The following ROBO2 variants were observed in gnomAD, a reference collection of about 807,000 sequenced individuals.
The protein encoded by ROBO2 is roundabout guidance receptor 2.
ROBO2 carries 53 observed loss-of-function variants against 160.8 expected under a neutral mutation model. The observed-to-expected ratio is 0.33, with a 90% CI of 0.26 to 0.41. The LOEUF (loss-of-function observed/expected upper bound fraction) is 0.41, where lower values mean the gene tolerates loss of function less well. Ranked by LOEUF, ROBO2 falls within the 10% of genes least tolerant of loss-of-function variation. The pLI, the probability that ROBO2 is intolerant of heterozygous loss-of-function variation, is 1.00. For missense variants in ROBO2, 1,577 were observed against 1,722.4 expected, an observed-to-expected ratio of 0.92 and a Z score of 1.49; for synonymous variants, 664 against 611.7, an observed-to-expected ratio of 1.09 and a Z score of -1.26.
At chr3:76,009,248 G>C (rs2066124693) in intron 2 of ROBO2, among the ~76,000 whole-genome samples, 2 of 152,050 alleles carry the variant, frequency 1.3e-5, no homozygotes, top group African/African-American at 4.8e-5. Flanking sequence ...GACTACAGGC[G>C]CCCGCTACCA....
intron 2 of ROBO2, among the ~76,000 whole-genome samples, chr3:76,183,310 C>A (rs6787182): frequency 0.98 from 149,317 of 152,212 alleles, 73,299 homozygotes; most frequent in East Asian, 1. Flanking sequence ...AAATCTTAGA[C>A]TATCACTTCT....
At chr3:77,306,871 C>T (rs1456873231) in intron 2 of ROBO2, among the ~76,000 whole-genome samples, 1 of 152,146 alleles carries the variant, frequency 6.6e-6, no homozygotes, top group African/African-American at 2.4e-5. Context: ...AATTAAATGT[C>T]ATGCTAATAG....
At chr3:76,072,184 C>T (rs2068481501) in intron 2 of ROBO2, among the ~76,000 whole-genome samples, 1 of 152,016 alleles carries the variant, frequency 6.6e-6, no homozygotes, top group African/African-American at 2.4e-5. Context: ...ACAAAGTTTT[C>T]CTTGGCTTTT....
intron 2 of ROBO2, among the ~76,000 whole-genome samples, chr3:76,764,437 A>AT (rs2061470214): frequency 6.6e-6 from 1 of 151,682 alleles, no homozygotes; most frequent in Admixed American, 6.6e-5. Flanking sequence ...ATTTGCACAG[A>AT]TTTTTAATAA....
intron 1 of ROBO2, among the ~76,000 whole-genome samples, chr3:75,921,057 A>G (rs1231980224): frequency 6.6e-6 from 1 of 152,064 alleles, no homozygotes; most frequent in African/African-American, 2.4e-5. Context: ...TTATGTGTGA[A>G]TTTGATCCTG....
At chr3:77,060,502 A>C (rs943094182) in intron 1 of ROBO2, among the ~76,000 whole-genome samples, 11 of 152,296 alleles carry the variant, frequency 7.2e-5, no homozygotes, top group Admixed American at 3.3e-4. Context: ...TTCATAAGAC[A>C]CTAAACACAG....
chr3:76,811,775 C>CT (rs1173423323), intron 2 of ROBO2, among the ~76,000 whole-genome samples: 96 of 96,958 alleles, frequency 9.9e-4, no homozygotes, highest in African/African-American at 3.7e-3. Context: ...CTCTCTTTCC[C>CT]TCCTTCCTTC....
At chr3:76,261,715 A>T (rs1706779609) in intron 2 of ROBO2, among the ~76,000 whole-genome samples, 1 of 152,104 alleles carries the variant, frequency 6.6e-6, no homozygotes, top group African/African-American at 2.4e-5. Flanking sequence ...CGTAGAAAAA[A>T]TACTGTGTGC....
At chr3:77,395,657 A>G (rs554748637) in intron 2 of ROBO2, among the ~76,000 whole-genome samples, 7 of 152,256 alleles carry the variant, frequency 4.6e-5, no homozygotes, top group Non-Finnish European at 1.0e-4. Flanking sequence ...TAAGTTCTGT[A>G]GTAGATCTAA....
At chr3:76,127,896 T>TTC (rs2071056442) in intron 2 of ROBO2, among the ~76,000 whole-genome samples, 1 of 143,254 alleles carries the variant, frequency 7.0e-6, no homozygotes, top group Non-Finnish European at 1.5e-5. Context: ...AGACATTTCT[T>TTC]TTTTTTTTTT....
At chr3:76,438,689 G>A (rs2076792367) in intron 2 of ROBO2, among the ~76,000 whole-genome samples, 1 of 151,998 alleles carries the variant, frequency 6.6e-6, no homozygotes, top group Non-Finnish European at 1.5e-5. Context: ...ACATTTTCAA[G>A]TATATATTCT....
At chr3:77,143,723 T>C (rs1579356379) in intron 2 of ROBO2, among the ~76,000 whole-genome samples, 2 of 152,286 alleles carry the variant, frequency 1.3e-5, no homozygotes, top group South Asian at 4.1e-4. Context: ...TTGAAATCAG[T>C]AGTGCCTATT....
chr3:76,899,260 A>G (rs2075048485), intron 2 of ROBO2, among the ~76,000 whole-genome samples: 1 of 152,198 alleles, frequency 6.6e-6, no homozygotes, highest in African/African-American at 2.4e-5. Flanking sequence ...AAGAGAACAA[A>G]AAGAATTAGG....
At chr3:77,354,346 T>G (rs2068761472) in intron 2 of ROBO2, among the ~76,000 whole-genome samples, 1 of 152,226 alleles carries the variant, frequency 6.6e-6, no homozygotes, top group Non-Finnish European at 1.5e-5. Flanking sequence ...TTTCTCCTGG[T>G]CTCACTGCAG....
At chr3:77,479,236 G>A (rs771115462) in intron 3 of ROBO2, among the ~76,000 whole-genome samples, 7 of 152,176 alleles carry the variant, frequency 4.6e-5, no homozygotes, top group Non-Finnish European at 1.0e-4. Flanking sequence ...TGTAGATAAA[G>A]TCTCAGATAA....
At chr3:75,941,253 G>A (rs1226011158) in intron 2 of ROBO2, among the ~76,000 whole-genome samples, 2 of 152,092 alleles carry the variant, frequency 1.3e-5, no homozygotes, top group Non-Finnish European at 2.9e-5. Flanking sequence ...GTTGCATCTG[G>A]CTCAAAAATA....
chr3:76,428,935 T>C (rs2076327219), intron 2 of ROBO2, among the ~76,000 whole-genome samples: 1 of 152,130 alleles, frequency 6.6e-6, no homozygotes, highest in East Asian at 1.9e-4. Flanking sequence ...TGCCCTACAG[T>C]AGCGTCTCTA....
At chr3:77,124,361 T>G (rs1426152730) in intron 2 of ROBO2, among the ~76,000 whole-genome samples, 1 of 151,494 alleles carries the variant, frequency 6.6e-6, no homozygotes, top group Non-Finnish European at 1.5e-5. Flanking sequence ...CGGGAAAGAG[T>G]AGCGTTTTTG....
intron 2 of ROBO2, among the ~76,000 whole-genome samples, chr3:77,471,585 G>A (rs1335666118): frequency 1.3e-5 from 2 of 152,196 alleles, no homozygotes; most frequent in Admixed American, 6.5e-5. Context: ...AAGAGAGTAA[G>A]AGAGGAGTTC....
Sources: allele counts gnomAD v4.1 joint callset (sites outside exome capture counted in the v4.1 genomes callset), GRCh38; gene constraint gnomAD v4.1.1; transcripts MANE v1.5; gene names NCBI Gene and HGNC (gene_info 2026-07-23, HGNC 2026-07-21).